PHACTR4: variants seen among roughly 807,000 people sequenced by gnomAD.
The protein encoded by PHACTR4 is protein phosphatase 1, regulatory subunit 124.
In PHACTR4, 51 loss-of-function variants were observed where a neutral mutation model predicts 72.7. The observed-to-expected ratio is 0.70, with a 90% CI of 0.56 to 0.89. The LOEUF (loss-of-function observed/expected upper bound fraction) is 0.89. PHACTR4 is among the 40% of genes least tolerant of loss of function. PHACTR4 has a pLI of 0.00. For missense variants in PHACTR4, 731 were observed against 861.8 expected (o/e 0.85, Z 1.90); for synonymous variants, 255 against 302.5 (o/e 0.84, Z 1.63).
intron 13 of PHACTR4, among the ~76,000 whole-genome samples, chr1:28,493,748 T>C (rs1028932205): frequency 9.9e-5 from 15 of 152,146 alleles, no homozygotes; most frequent in Non-Finnish European, 1.9e-4. Flanking sequence ...TTCAAGGATG[T>C]GAGGTGCTCT....
At chr1:28,472,331 C>T (rs538136563) in intron 6 of PHACTR4, among the ~76,000 whole-genome samples, 1 of 152,140 alleles carries the variant, frequency 6.6e-6, no homozygotes. Flanking sequence ...TGTGGCCTTG[C>T]CTTTTCCTTC....
rs756474736 is a variant in PHACTR4, at chr1:28,489,171, C to T, written c.1762C>T (p.Arg588Ter). 5.6e-6 allele frequency: 9 copies of T among 1,610,494 alleles called. No homozygotes were observed. The highest frequency in any genetic ancestry group is 1.1e-5 in the South Asian group (1 of 90,496). Residue 588 changes from arginine (R) to a stop codon, truncating the protein, a stop_gained and splice_region_variant, in exon 10 of 14, where the codon CGA (arginine) becomes TGA (stop). Coordinates refer to ENST00000373839, the MANE Select transcript of PHACTR4 (RefSeq NM_001048183.3). LOFTEE classifies it high-confidence loss of function. Reference sequence around the variant, plus strand: ...TACCTTTATTTATCTCATTTTTAGGCGACTGAGTCAAAGACCAACACCAGA... The same window carrying T: ...TACCTTTATTTATCTCATTTTTAGGTGACTGAGTCAAAGACCAACACCAGA... ...RHQIGNTLIR[R>*]LSQRPTPEEL...
chr1:28,438,213 A>G (rs2124399948), intron 2 of PHACTR4: 1 of 1,365,292 alleles, frequency 7.3e-7, no homozygotes, highest in Admixed American at 3.3e-5. Context: ...CTCAGGCTGT[A>G]TGGGAAACAG....
At chr1:28,466,867 A>G in intron 6 of PHACTR4, 99 bp downstream of exon 6, 1 of 1,467,048 alleles carries the variant, frequency 6.8e-7, no homozygotes, top group Non-Finnish European at 9.2e-7. Flanking sequence ...GTCTGTGAGA[A>G]TTTTCCATAT....
intron 13 of PHACTR4, among the ~76,000 whole-genome samples, chr1:28,493,606 T>C (rs1307095498): frequency 1.3e-5 from 2 of 152,188 alleles, no homozygotes; most frequent in African/African-American, 4.8e-5. Flanking sequence ...ATTTAATCCT[T>C]GTAATAAACA....
chr1:28,472,609 A>G (rs1659630070), intron 6 of PHACTR4, among the ~76,000 whole-genome samples: 1 of 124,492 alleles, frequency 8.0e-6, no homozygotes, highest in East Asian at 2.0e-4. Context: ...ATACAAAATA[A>G]CTTTTTTTTT....
intron 2 of PHACTR4, among the ~76,000 whole-genome samples, chr1:28,455,178 C>A (rs987032056): frequency 7.7e-6 from 1 of 129,738 alleles, no homozygotes; most frequent in Non-Finnish European, 1.6e-5. Flanking sequence ...CCTCATTTTT[C>A]TTTTTCTTTT....
chr1:28,474,577 C>T (rs917978879), intron 7 of PHACTR4, among the ~76,000 whole-genome samples: 1 of 151,816 alleles, frequency 6.6e-6, no homozygotes, highest in African/African-American at 2.4e-5. Context: ...GAGTCCTGCT[C>T]TGTCACCCGG....
At chr1:28,418,345 G>A (rs938593659) in intron 2 of PHACTR4, among the ~76,000 whole-genome samples, 1 of 151,816 alleles carries the variant, frequency 6.6e-6, no homozygotes, top group African/African-American at 2.4e-5. Context: ...GCTGGGCGTG[G>A]TGGCAGGCAA....
chr1:28,373,993 T>C (rs138970024), intron 1 of PHACTR4, among the ~76,000 whole-genome samples: 1 of 152,328 alleles, frequency 6.6e-6, no homozygotes, highest in African/African-American at 2.4e-5. Context: ...AAAATCTAAA[T>C]ATTGGAGAAA....
intron 1 of PHACTR4, among the ~76,000 whole-genome samples, chr1:28,394,431 G>A (rs1026963576): frequency 6.6e-6 from 1 of 151,966 alleles, no homozygotes; most frequent in African/African-American, 2.4e-5. Flanking sequence ...GACAACAGAT[G>A]TGTCCTACCA....
chr1:28,440,185 C>A (rs1221715388), intron 2 of PHACTR4, among the ~76,000 whole-genome samples: 2 of 150,620 alleles, frequency 1.3e-5, no homozygotes, highest in Non-Finnish European at 3.0e-5. Flanking sequence ...GCCTGTAGCC[C>A]CAGCTACTCG....
Position 28,476,227 on chromosome 1 carries a change from C to T in PHACTR4, c.1542C>T (p.Ser514=), listed in dbSNP as rs762003928. The T allele has an allele frequency of 1.6e-5, 26 of 1,613,308 alleles. No individual in the cohort carries two copies. The highest frequency in any genetic ancestry group is 3.3e-5 in the Admixed American group (2 of 59,940). The stretch of plus-strand genomic sequence containing the variant: ...TACGGGAGGAAGAAGAGAAGGAGAG[C>T]GACTCTGATTCAGAAGGTCCCATTC... The part of the protein sequence containing the change: ...QCLREEEEKE[S]DSDSEGPIQY... Residue 514 remains serine, a synonymous_variant, in exon 8 of 14, where the codon AGC becomes AGT. Coordinates refer to ENST00000373839, the MANE Select transcript of PHACTR4 (RefSeq NM_001048183.3).
chr1:28,471,242 A>G (rs1659541369), intron 6 of PHACTR4, among the ~76,000 whole-genome samples: 1 of 151,372 alleles, frequency 6.6e-6, no homozygotes, highest in Admixed American at 6.6e-5. Context: ...CCAGCTACTC[A>G]GGAGGCTGAG....
intron 2 of PHACTR4, among the ~76,000 whole-genome samples, chr1:28,441,664 G>C (rs188677857): frequency 1.3e-5 from 2 of 152,086 alleles, no homozygotes; most frequent in African/African-American, 2.4e-5. Flanking sequence ...AATAAAATAC[G>C]TTCATAGGAG....
At chr1:28,426,451 G>A (rs1436719136) in intron 2 of PHACTR4, among the ~76,000 whole-genome samples, 1 of 152,036 alleles carries the variant, frequency 6.6e-6, no homozygotes, top group Non-Finnish European at 1.5e-5. Context: ...GAGGTCAGGA[G>A]ATCAAGACCA....
At chr1:28,381,007 AAT>A (rs1557774976) in intron 1 of PHACTR4, among the ~76,000 whole-genome samples, 1 of 125,960 alleles carries the variant, frequency 7.9e-6, no homozygotes, top group Non-Finnish European at 1.6e-5. Flanking sequence ...TTATTTTTTG[AAT>A]TTTTTTTTTT....
At chr1:28,407,355 A>T (rs1231934287) in intron 1 of PHACTR4, 55 bp from the exon 2 acceptor site, 1 of 931,146 alleles carries the variant, frequency 1.1e-6, no homozygotes, top group Non-Finnish European at 1.7e-6. Flanking sequence ...TTAAAAGCAT[A>T]AAAGGTGATG....
chr1:28,439,833 G>C (rs1656873341), intron 2 of PHACTR4, among the ~76,000 whole-genome samples: 2 of 151,966 alleles, frequency 1.3e-5, no homozygotes, highest in South Asian at 4.1e-4. Context: ...TGGTTTCTAC[G>C]CCAAACATTA....
Sources: allele counts gnomAD v4.1 joint callset (sites outside exome capture counted in the v4.1 genomes callset), GRCh38; gene constraint gnomAD v4.1.1; transcripts MANE v1.5; gene names NCBI Gene and HGNC (gene_info 2026-07-23, HGNC 2026-07-21).